The following MLIP variants were observed in gnomAD, a reference collection of about 807,000 sequenced individuals.
MLIP encodes the protein muscular LMNA interacting protein, also known as muscular LMNA-interacting protein.
A neutral mutation model predicts 84.8 loss-of-function variants in MLIP; 79 were observed. The ratio of observed to expected loss-of-function variants is 0.93; its 90% CI spans 0.78 to 1.12. MLIP has a LOEUF of 1.12. Among genes scored for constraint, MLIP ranks in the 50% most tolerant of loss-of-function variants. MLIP has a pLI of 0.00. For synonymous variants in MLIP, 504 were observed against 463.0 expected (o/e 1.09, Z -1.14); for missense variants, 1,257 against 1,160.6 (o/e 1.08, Z -1.21).
In MLIP at chr6:54,117,722, G is replaced by A. The variant is rs189582726; in HGVS notation, c.97-3725G>A. ...AGCACTTTGGGAGGCCGAGATGGGC[G>A]GATCACGAGATCAGGAGATCGACAC... On this transcript the variant is annotated intron_variant, in intron 1 of 13. Coordinates refer to ENST00000502396, the MANE Select transcript of MLIP (RefSeq NM_001281747.2). Among the ~76,000 whole-genome samples the A allele has an allele frequency of 2.0e-3, 304 of 151,530 alleles. 2 individuals are homozygous for A. Among genetic ancestry groups the A allele is most frequent in the African/African-American group, 6.7e-3 (277 of 41,358 alleles).
intron 8 of MLIP, among the ~76,000 whole-genome samples, chr6:54,161,732 A>T (rs561525355): frequency 6.6e-6 from 1 of 152,088 alleles, no homozygotes; most frequent in African/African-American, 2.4e-5. Flanking sequence ...ATTAGTAATG[A>T]CATATAAAAC....
chr6:54,025,444 G>GATGT (rs1333025745), intron 1 of MLIP, among the ~76,000 whole-genome samples: 1 of 152,162 alleles, frequency 6.6e-6, no homozygotes, highest in Non-Finnish European at 1.5e-5. Flanking sequence ...TAAGGTACTG[G>GATGT]ATGTATGTAT....
At chr6:54,230,314 C>A (rs947188373) in intron 11 of MLIP, among the ~76,000 whole-genome samples, 4 of 152,168 alleles carry the variant, frequency 2.6e-5, no homozygotes, top group African/African-American at 9.7e-5. Flanking sequence ...TTCTTCCAGA[C>A]CAAATCACAA....
intron 1 of MLIP, among the ~76,000 whole-genome samples, chr6:54,120,089 A>G (rs1225197810): frequency 1.3e-5 from 2 of 152,152 alleles, no homozygotes; most frequent in African/African-American, 4.8e-5. Context: ...TTTGCTCTCT[A>G]ATTACTCTCA....
At chr6:54,038,075 G>T (rs1362990143) in intron 1 of MLIP, among the ~76,000 whole-genome samples, 1 of 151,856 alleles carries the variant, frequency 6.6e-6, no homozygotes, top group African/African-American at 2.4e-5. Context: ...GGTAGGATCA[G>T]GTCCTAACAT....
chr6:54,256,311 C>T (rs889265648), intron 12 of MLIP, among the ~76,000 whole-genome samples: 5 of 152,254 alleles, frequency 3.3e-5, no homozygotes, highest in African/African-American at 4.8e-5. Flanking sequence ...TTAGAGTCTT[C>T]CCCTGGGTAG....
chr6:54,145,125 C>G (rs998993507), intron 4 of MLIP, among the ~76,000 whole-genome samples: 1 of 152,236 alleles, frequency 6.6e-6, no homozygotes, highest in East Asian at 1.9e-4. Context: ...GTATTATTGC[C>G]TTGTTTGCCA....
chr6:54,083,116 T>C (rs909094440), intron 1 of MLIP, among the ~76,000 whole-genome samples: 7 of 152,150 alleles, frequency 4.6e-5, no homozygotes, highest in Non-Finnish European at 7.3e-5. Flanking sequence ...GTAGAAGCTA[T>C]TGTAAGGTTG....
At chr6:54,079,209 A>C (rs1358974480) in intron 1 of MLIP, among the ~76,000 whole-genome samples, 1 of 152,216 alleles carries the variant, frequency 6.6e-6, no homozygotes, top group Non-Finnish European at 1.5e-5. Context: ...GGTATGACTA[A>C]AATTTAAAAA....
chr6:54,048,775 G>A (rs941926697), intron 1 of MLIP, among the ~76,000 whole-genome samples: 2 of 152,154 alleles, frequency 1.3e-5, no homozygotes, highest in African/African-American at 2.4e-5. Flanking sequence ...ATGGACTGGT[G>A]ACAGGTTTTA....
chr6:54,215,530 G>C (rs980780753), intron 11 of MLIP: 1 of 439,102 alleles, frequency 2.3e-6, no homozygotes, highest in Non-Finnish European at 3.3e-6. Flanking sequence ...ATGATTTGAT[G>C]TATGTGTACA....
chr6:54,253,345 C>A (rs1027101094), intron 12 of MLIP, among the ~76,000 whole-genome samples: 10 of 152,120 alleles, frequency 6.6e-5, no homozygotes, highest in South Asian at 2.1e-4. Context: ...AGGAGGTTGA[C>A]AAGAGGATGT....
chr6:54,174,423 T>A (rs1776077982), intron 9 of MLIP, among the ~76,000 whole-genome samples: 1 of 152,030 alleles, frequency 6.6e-6, no homozygotes, highest in Non-Finnish European at 1.5e-5. Flanking sequence ...ATTGCCTGTC[T>A]TTTGGATTAA....
chr6:54,134,412 TAGAA>T (rs1771638880), intron 3 of MLIP, among the ~76,000 whole-genome samples: 1 of 151,924 alleles, frequency 6.6e-6, no homozygotes, highest in Non-Finnish European at 1.5e-5. Flanking sequence ...ATTTGCAAGT[TAGAA>T]AGGAATATGT....
intron 11 of MLIP, among the ~76,000 whole-genome samples, chr6:54,222,996 C>T (rs977565939): frequency 1.3e-5 from 2 of 151,946 alleles, no homozygotes; most frequent in Admixed American, 1.3e-4. Flanking sequence ...ACCTGTTGGT[C>T]TTTTCATATG....
intron 11 of MLIP, among the ~76,000 whole-genome samples, chr6:54,219,650 G>A (rs1181198974): frequency 6.6e-6 from 1 of 152,066 alleles, no homozygotes; most frequent in Non-Finnish European, 1.5e-5. Context: ...AACTTTACAG[G>A]AAAATGTTTG....
intron 13 of MLIP, among the ~76,000 whole-genome samples, chr6:54,260,646 T>A (rs1347114149): frequency 1.3e-5 from 2 of 151,960 alleles, no homozygotes; most frequent in Non-Finnish European, 2.9e-5. Context: ...TGATTTCAAT[T>A]TCTAAAAACT....
chr6:54,186,042 T>C (rs1391732153), intron 9 of MLIP, among the ~76,000 whole-genome samples: 1 of 152,148 alleles, frequency 6.6e-6, no homozygotes, highest in East Asian at 1.9e-4. Context: ...AAGAATGACA[T>C]GAGTCAAAAC....
intron 1 of MLIP, chr6:54,031,388 G>C (rs1764126577): frequency 6.6e-6 from 1 of 152,112 alleles, no homozygotes; most frequent in South Asian, 2.1e-4. Context: ...GTACCACCTT[G>C]GCTACCAGCA....
Sources: allele counts gnomAD v4.1 joint callset (sites outside exome capture counted in the v4.1 genomes callset), GRCh38; gene constraint gnomAD v4.1.1; transcripts MANE v1.5; gene names NCBI Gene and HGNC (gene_info 2026-07-23, HGNC 2026-07-21).